OPCML: variants seen among roughly 807,000 people sequenced by gnomAD.
The protein encoded by OPCML is opioid binding protein/cell adhesion molecule like, also known as opioid-binding protein/cell adhesion molecule.
Under a neutral mutation model 37.8 loss-of-function variants are expected in OPCML, and 13 were observed. The observed-to-expected ratio is 0.34, with a 90% CI of 0.22 to 0.55. The LOEUF (loss-of-function observed/expected upper bound fraction) is 0.55, where lower values mean the gene tolerates loss of function less well. Among genes scored for constraint, OPCML ranks in the 20% least tolerant of loss-of-function variants. The pLI is 0.91. For synonymous variants in OPCML, 176 were observed against 168.8 expected, an observed-to-expected ratio of 1.04 and a Z score of -0.33; for missense variants, 341 against 435.6, an observed-to-expected ratio of 0.78 and a Z score of 1.93.
intron 2 of OPCML, among the ~76,000 whole-genome samples, chr11:132,818,536 T>C (rs1939765277): frequency 1.3e-5 from 2 of 151,374 alleles, no homozygotes; most frequent in African/African-American, 2.4e-5. Flanking sequence ...AGACTTGGAC[T>C]TGCCAGTCTT....
chr11:132,832,742 A>T (rs1034677070), intron 2 of OPCML, among the ~76,000 whole-genome samples: 1 of 152,222 alleles, frequency 6.6e-6, no homozygotes, highest in African/African-American at 2.4e-5. Context: ...GTGTACATAC[A>T]CACACTAAAT....
chr11:132,672,338 T>G (rs1242132326), intron 2 of OPCML, among the ~76,000 whole-genome samples: 1 of 152,190 alleles, frequency 6.6e-6, no homozygotes, highest in Non-Finnish European at 1.5e-5. Flanking sequence ...TTTTAGTAAA[T>G]TATTCGTCTT....
chr11:132,628,767 A>C (rs1040226347), intron 3 of OPCML, among the ~76,000 whole-genome samples: 2 of 152,132 alleles, frequency 1.3e-5, no homozygotes, highest in African/African-American at 4.8e-5. Flanking sequence ...GAGGGGGGGC[A>C]GTTACCCTCA....
rs1363744190 is a variant in OPCML at position 132,943,107 on chromosome 11, A to G, written c.62-97T>C. On this transcript the variant is annotated intron_variant, in intron 1 of 7. Transcript: ENST00000524381. The surrounding 1 kb of genome is among the most constrained non-coding windows in gnomAD (Gnocchi z 4.3). ...CAGACCCCCATTCTCGACAGCCACA[A>G]CTTCCCAGGACTCCGGCAGCCGCAC... The G allele has an allele frequency of 1.9e-6, 3 of 1,613,922 alleles. No individual in the cohort carries two copies. The highest frequency in any genetic ancestry group is 2.7e-5 in the African/African-American group (2 of 74,984).
chr11:132,482,289 C>G (rs1191330334), intron 4 of OPCML, among the ~76,000 whole-genome samples: 1 of 152,124 alleles, frequency 6.6e-6, no homozygotes, highest in African/African-American at 2.4e-5. Flanking sequence ...ATACTACAAA[C>G]ACCTCTATGC....
At chr11:133,353,160 T>TTTGTTG (rs577758867) in intron 1 of OPCML, among the ~76,000 whole-genome samples, 7 of 151,960 alleles carry the variant, frequency 4.6e-5, no homozygotes, top group African/African-American at 1.7e-4. Flanking sequence ...AAGCCCCTAT[T>TTTGTTG]TTGTTGTTGT....
chr11:132,813,116 T>C (rs1284884346), intron 2 of OPCML, among the ~76,000 whole-genome samples: 3 of 152,234 alleles, frequency 2.0e-5, no homozygotes, highest in Non-Finnish European at 4.4e-5. Flanking sequence ...TTCATTGCTT[T>C]TGAATTTAAT....
intron 3 of OPCML, among the ~76,000 whole-genome samples, chr11:132,598,298 T>C (rs1188683917): frequency 1.3e-5 from 2 of 152,178 alleles, no homozygotes; most frequent in Admixed American, 1.3e-4. Context: ...GGCTATTCAC[T>C]TCATAATGTT....
chr11:133,002,860 T>G (rs892822301), intron 1 of OPCML, among the ~76,000 whole-genome samples: 9 of 152,146 alleles, frequency 5.9e-5, no homozygotes, highest in African/African-American at 2.2e-4. Flanking sequence ...TACTCAACTT[T>G]GCACAATGCT....
intron 4 of OPCML, among the ~76,000 whole-genome samples, chr11:132,448,124 G>C (rs2096060074): frequency 6.6e-6 from 1 of 152,214 alleles, no homozygotes; most frequent in Non-Finnish European, 1.5e-5. Flanking sequence ...TCTTTTCAGG[G>C]TATTGGGGAA....
intron 4 of OPCML, among the ~76,000 whole-genome samples, chr11:132,518,636 G>A (rs1282530849): frequency 6.6e-6 from 1 of 152,006 alleles, no homozygotes; most frequent in Non-Finnish European, 1.5e-5. Context: ...TAATCTTCAG[G>A]TGTCTGTTCA....
At chr11:133,478,764 C>G (rs563829293) in intron 1 of OPCML, among the ~76,000 whole-genome samples, 2 of 152,180 alleles carry the variant, frequency 1.3e-5, no homozygotes, top group African/African-American at 4.8e-5. Context: ...TTGCATGTCT[C>G]CTCATTTAAC....
At chr11:132,935,140 A>AG (rs1042162902) in intron 2 of OPCML, among the ~76,000 whole-genome samples, 1 of 147,716 alleles carries the variant, frequency 6.8e-6, no homozygotes, top group African/African-American at 2.5e-5. Flanking sequence ...ATTCCATCTC[A>AG]GAAAAAAAAA....
intron 2 of OPCML, among the ~76,000 whole-genome samples, chr11:132,835,470 G>T (rs908883379): frequency 3.9e-5 from 6 of 152,186 alleles, no homozygotes; most frequent in African/African-American, 1.4e-4. Flanking sequence ...CAGTTGTCTA[G>T]AACCAGAGTC....
At chr11:133,498,133 TC>T (rs1413922639) in intron 1 of OPCML, among the ~76,000 whole-genome samples, 1 of 151,996 alleles carries the variant, frequency 6.6e-6, no homozygotes, top group African/African-American at 2.4e-5. Context: ...CGGCGGTTGC[TC>T]CAAGGCTTCC....
chr11:133,046,040 T>A (rs773905466), intron 1 of OPCML, among the ~76,000 whole-genome samples: 1 of 152,160 alleles, frequency 6.6e-6, no homozygotes, highest in African/African-American at 2.4e-5. Context: ...TCTGCCCTCA[T>A]GAGTTGCGAC....
At chr11:132,690,620 T>C (rs1308578908) in intron 2 of OPCML, among the ~76,000 whole-genome samples, 2 of 152,332 alleles carry the variant, frequency 1.3e-5, no homozygotes, top group Non-Finnish European at 2.9e-5. Context: ...CCACTGGTTA[T>C]GAATACATCT....
chr11:132,639,654 T>C (rs547594544), intron 3 of OPCML, among the ~76,000 whole-genome samples: 9 of 152,206 alleles, frequency 5.9e-5, no homozygotes, highest in Non-Finnish European at 1.2e-4. Context: ...TACTGGCAAG[T>C]TGGTCTGGCC....
chr11:133,122,669 T>G (rs1949440613), intron 1 of OPCML, among the ~76,000 whole-genome samples: 1 of 152,160 alleles, frequency 6.6e-6, no homozygotes, highest in South Asian at 2.1e-4. Context: ...CCCTATACCT[T>G]TCCTCTTCTC....
Sources: allele counts gnomAD v4.1 joint callset (sites outside exome capture counted in the v4.1 genomes callset), GRCh38; gene constraint gnomAD v4.1.1; non-coding constraint Gnocchi (gnomAD v3.1); transcripts MANE v1.5; gene names NCBI Gene and HGNC (gene_info 2026-07-23, HGNC 2026-07-21).